The following TBCD variants were observed in gnomAD, a reference collection of about 807,000 sequenced individuals.
TBCD encodes the protein tubulin folding cofactor D, also known as tubulin-specific chaperone D.
A neutral mutation model predicts 169.3 loss-of-function variants in TBCD; 105 were observed. The ratio of observed to expected loss-of-function variants is 0.62; its 90% CI spans 0.53 to 0.73. TBCD has a LOEUF of 0.73. Among genes scored for constraint, TBCD ranks in the 30% least tolerant of loss-of-function variants. The pLI, the probability that TBCD is intolerant of heterozygous loss-of-function variation, is 0.00. For synonymous variants in TBCD, 700 were observed against 643.9 expected, an observed-to-expected ratio of 1.09 and a Z score of -1.32; for missense variants, 1,444 against 1,600.1, an observed-to-expected ratio of 0.90 and a Z score of 1.66.
At chr17:82,862,009 G>A (rs1399825419) in intron 13 of TBCD, among the ~76,000 whole-genome samples, 2 of 151,224 alleles carry the variant, frequency 1.3e-5, no homozygotes, top group South Asian at 2.1e-4. Flanking sequence ...TGCAACCTCC[G>A]CCTCCCAGGT....
At chr17:82,904,721 C>G (rs1216988197) in intron 19 of TBCD, among the ~76,000 whole-genome samples, 1 of 152,126 alleles carries the variant, frequency 6.6e-6, no homozygotes, top group Admixed American at 6.5e-5. Flanking sequence ...ACTGATGTGA[C>G]GCCTGTGTTG....
At position 82,929,103 on chromosome 17, in the gene TBCD, C is replaced by T. The variant is rs371021341; in HGVS notation, c.2694-10C>T. 5.5e-5 allele frequency: 89 copies of T among 1,604,440 alleles called. No homozygotes were observed. The East Asian group carries it at 7.4e-4, about 13-fold the overall frequency. ...CCGCCCTTGGTTTACCTCCTGCTCT[C>T]GGTTTGCAGCTGTGAGCGCATCATG... On this transcript the variant is annotated splice_polypyrimidine_tract_variant and intron_variant, in intron 30 of 38. Transcript: ENST00000355528.
At chr17:82,887,598 G>T (rs971687077) in intron 15 of TBCD, among the ~76,000 whole-genome samples, 1 of 152,184 alleles carries the variant, frequency 6.6e-6, no homozygotes, top group African/African-American at 2.4e-5. Context: ...AGGTTTTCGT[G>T]TGAGTGTAAC....
Position 82,937,289 on chromosome 17 carries a change from G to C in TBCD, c.3210G>C (p.Lys1070Asn). 6.2e-7 allele frequency: 1 copy of C among 1,614,056 alleles called. No individual in the cohort carries two copies. Among genetic ancestry groups the C allele is most frequent in the Non-Finnish European group, 8.5e-7 (1 of 1,179,886 alleles). ...CTTCCAGCCACCCCTTTGCTGTGAA[G>C]TTGCTTGCGCTCTGTAAGAAAGAAA... ...TTEEDHPFAV[K>N]LLALCKKEIK... The change falls in exon 35 of 39, where the codon AAG becomes AAC. Residue 1070 changes from lysine to asparagine, a missense_variant. Lys to Asn is a moderately conservative substitution (Grantham distance 94). Transcript: ENST00000355528.
In TBCD at chr17:82,915,359, A is replaced by G. The variant is rs2060955124; in HGVS notation, c.2038+3570A>G. ...GGGAGTCGTCTGCGTCCCCATATCA[A>G]AGAAATGTCATACAGGTTGGCCTTT... On this transcript the variant is annotated intron_variant, in intron 23 of 38. Transcript: ENST00000355528. This position sits in a 1 kb window ranked among gnomAD's most constrained non-coding sequence, Gnocchi z 4.3. 1.3e-5 allele frequency among the ~76,000 whole-genome samples: 2 copies of G among 152,158 alleles called. No individual in the cohort carries two copies. Among genetic ancestry groups the G allele is most frequent in the Admixed American group, 1.3e-4 (2 of 15,282 alleles).
intron 12 of TBCD, among the ~76,000 whole-genome samples, chr17:82,810,052 C>T (rs920574043): frequency 1.1e-4 from 16 of 152,196 alleles, no homozygotes; most frequent in African/African-American, 3.6e-4. Flanking sequence ...AGGAAAAGCT[C>T]TACTGAGTGA....
Position 82,922,523 on chromosome 17 carries a change from A to AT in TBCD, c.2178+956dup, listed in dbSNP as rs920352326. Among the ~76,000 whole-genome samples the AT allele has an allele frequency of 1.7e-4, 25 of 149,970 alleles. No homozygotes were observed. Among genetic ancestry groups the AT allele is most frequent in the East Asian group, 1.4e-3 (7 of 5,124 alleles). On this transcript the variant is annotated intron_variant, in intron 25 of 38. Coordinates refer to ENST00000355528, the MANE Select transcript of TBCD (RefSeq NM_005993.5). The surrounding 1 kb of genome is among the most constrained non-coding windows in gnomAD (Gnocchi z 4.1). ...TTTCCTTAGCATCTTCAATTTTCTT[A>AT]TTTTTTTTTTCTTAAGGAACTTGAA... is the stretch of plus-strand genomic sequence containing the variant.
rs1223713611 is a variant in TBCD at position 82,782,083 on chromosome 17, A to G, written c.771+362A>G. On this transcript the variant is annotated intron_variant, in intron 7 of 38. Transcript: ENST00000355528. This position sits in a 1 kb window ranked among gnomAD's most constrained non-coding sequence, Gnocchi z 5.1. ...AATAAAACAAGGTGGGTGAGTTGAA[A>G]TTTGATTCTGTTCCTTTGCACTGGG... Among the ~76,000 whole-genome samples the G allele has an allele frequency of 6.6e-6, 1 of 152,178 alleles. No individual in the cohort carries two copies.
rs752505926 is a variant in TBCD, at chr17:82,805,935, T to C, written c.1011T>C (p.Ser337=). 6 of 1,613,682 alleles carry C rather than the reference T, an allele frequency of 3.7e-6. No individual in the cohort carries two copies. The highest frequency in any genetic ancestry group is 3.4e-6 in the Non-Finnish European group (4 of 1,179,730). ...ANLQLLTQGQ[S]EQKPLILTED... is the part of the protein sequence containing the mutation. ...TGCAGCTCCTCACTCAGGGTCAGAG[T>C]GAGCAGAAGCCACTCATCCTGACCG... is the stretch of plus-strand genomic sequence containing the variant. The change falls in exon 10 of 39, where the codon AGT becomes AGC. Residue 337 remains serine, a synonymous_variant. Transcript: ENST00000355528.
chr17:82,832,353 G>A lies in TBCD; in HGVS notation c.1318+17419G>A. 1 of 1,614,220 alleles carries A rather than the reference G, an allele frequency of 6.2e-7. No individual in the cohort carries two copies. Among genetic ancestry groups the A allele is most frequent in the Non-Finnish European group, 8.5e-7 (1 of 1,180,030 alleles). On this transcript the variant is annotated intron_variant, in intron 13 of 38. Coordinates refer to ENST00000355528, the MANE Select transcript of TBCD (RefSeq NM_005993.5). The surrounding 1 kb of genome is among the most constrained non-coding windows in gnomAD (Gnocchi z 4.9). ...GATTAAAAAGATGTGACTTCTCATT[G>A]CAAGTAAAGGGACATTGGAAACATT... is the stretch of plus-strand genomic sequence containing the variant.
chr17:82,929,491 G>A lies in TBCD; in HGVS notation c.2982G>A (p.Thr994=), dbSNP rs376919689. 3.4e-5 allele frequency: 55 copies of A among 1,606,454 alleles called. No homozygotes were observed. Among genetic ancestry groups the A allele is most frequent in the South Asian group, 9.9e-5 (9 of 91,076 alleles). Residue 994 remains threonine, a synonymous_variant, in exon 32 of 39, where the codon ACG becomes ACA. Transcript: ENST00000355528. ...LGLVVSLGGL[T]ESTIRHSTQS... is the part of the protein sequence containing the mutation. ...TAGTCGTGTCCCTGGGCGGCTTGAC[G>A]GAGTCGACGGTGAGGAGGCGTCGGG...
chr17:82,810,940 G>A (rs1418655194), intron 12 of TBCD, among the ~76,000 whole-genome samples: 1 of 152,212 alleles, frequency 6.6e-6, no homozygotes, highest in Non-Finnish European at 1.5e-5. Context: ...AGGAGCACAG[G>A]AAACAATGTG....
intron 1 of TBCD, among the ~76,000 whole-genome samples, chr17:82,754,224 C>T (rs1280217142): frequency 6.6e-6 from 1 of 151,888 alleles, no homozygotes; most frequent in African/African-American, 2.4e-5. Flanking sequence ...TAGAGGTAAT[C>T]TGGGGGAAAG....
Position 82,922,960 on chromosome 17 carries a change from C to T in TBCD, c.2179-692C>T, listed in dbSNP as rs971284097. On this transcript the variant is annotated intron_variant, in intron 25 of 38. Transcript: ENST00000355528. This position sits in a 1 kb window ranked among gnomAD's most constrained non-coding sequence, Gnocchi z 4.1. ...GCGGCGGGACTGGTGACTCTCTGCC[C>T]GCTCCTGCTCTGTGCAGCAATTGCC... is the stretch of plus-strand genomic sequence containing the variant. Among the ~76,000 whole-genome samples, 8 of 152,206 alleles carry T rather than the reference C, an allele frequency of 5.3e-5. No individual in the cohort carries two copies. The highest frequency in any genetic ancestry group is 7.3e-5 in the Non-Finnish European group (5 of 68,044).
At chr17:82,912,176 G>A (rs1350375481) in intron 23 of TBCD, among the ~76,000 whole-genome samples, 1 of 151,534 alleles carries the variant, frequency 6.6e-6, no homozygotes, top group African/African-American at 2.4e-5. Context: ...CGTGCCCTGT[G>A]GACTGAGCAG....
Position 82,764,749 on chromosome 17 carries a change from C to T in TBCD, c.333+687C>T, listed in dbSNP as rs550994489. Among the ~76,000 whole-genome samples the T allele has an allele frequency of 7.2e-4, 109 of 152,022 alleles. 2 individuals are homozygous for T. Among genetic ancestry groups the T allele is most frequent in the African/African-American group, 2.6e-3 (108 of 41,370 alleles). On this transcript the variant is annotated intron_variant, in intron 3 of 38. Coordinates refer to ENST00000355528, the MANE Select transcript of TBCD (RefSeq NM_005993.5). ...GTCTAGGCGGGGGTCTCATAGTCTG[C>T]TTTTCTTACAAGCTTGCGGGTGTCT...
At chr17:82,758,660 T>C (rs113204295) in intron 2 of TBCD, among the ~76,000 whole-genome samples, 22 of 145,550 alleles carry the variant, frequency 1.5e-4, no homozygotes, top group African/African-American at 5.4e-4. Flanking sequence ...TTTTTTTTTT[T>C]CTTTTTTTTT....
intron 16 of TBCD, among the ~76,000 whole-genome samples, chr17:82,892,706 A>T (rs945720358): frequency 6.6e-6 from 1 of 152,212 alleles, no homozygotes; most frequent in Non-Finnish European, 1.5e-5. Context: ...GGAGGTGGGC[A>T]GGCTTGGGAG....
intron 13 of TBCD, chr17:82,858,563 G>C (rs569382607): frequency 3.1e-5 from 31 of 985,324 alleles, no homozygotes; most frequent in Non-Finnish European, 3.4e-5. Flanking sequence ...GAAAGTAGCT[G>C]GCTGGGGCTT....
Sources: allele counts gnomAD v4.1 joint callset (sites outside exome capture counted in the v4.1 genomes callset), GRCh38; gene constraint gnomAD v4.1.1; non-coding constraint Gnocchi (gnomAD v3.1); transcripts MANE v1.5; gene names NCBI Gene and HGNC (gene_info 2026-07-23, HGNC 2026-07-21).